Variants in SETD6 observed in about 807,000 individuals in gnomAD.
SETD6 encodes the protein SET domain containing 6, protein lysine methyltransferase.
Under a neutral mutation model 52.7 loss-of-function variants are expected in SETD6, and 67 were observed. That is an observed-to-expected ratio of 1.27 (90% CI 1.04 to 1.56). SETD6 has a LOEUF of 1.56. SETD6 is among the 40% of genes most tolerant of loss of function. The pLI is 0.00. For missense variants in SETD6, 712 were observed against 607.5 expected, an observed-to-expected ratio of 1.17 and a Z score of -1.81; for synonymous variants, 307 against 250.2, an observed-to-expected ratio of 1.23 and a Z score of -2.14.
At chr16:58,517,334 T>G (rs1341833457) in intron 5 of SETD6, 1 of 250,250 alleles carries the variant, frequency 4.0e-6, no homozygotes, top group Non-Finnish European at 8.0e-6. Context: ...AGAACTGATA[T>G]AAAGCTGTGT....
In SETD6 at chr16:58,516,343, G is replaced by C. The variant is rs778896876; in HGVS notation, c.476G>C (p.Trp159Ser). The C allele has an allele frequency of 1.9e-6, 3 of 1,609,840 alleles. No individual in the cohort carries two copies. The Admixed American group carries it at 5.0e-5, about 27-fold the overall frequency. Reference sequence around the variant, plus strand: ...GGCCGCTTGGAGCACCCGATGTTCTGGTGAGAGCCTTGGGAGGGGTTGGGG... The same window carrying C: ...GGCCGCTTGGAGCACCCGATGTTCTCGTGAGAGCCTTGGGAGGGGTTGGGG... Reference protein sequence around the residue: ...ELGRLEHPMFWPEEERRCLLQ... With the variant: ...ELGRLEHPMFSPEEERRCLLQ... Residue 159 changes from tryptophan (W) to serine (S), a missense_variant and splice_region_variant, in exon 3 of 8, where the codon TGG (tryptophan) becomes TCG (serine). By Grantham distance (177) the Trp-to-Ser change is radical. Transcript: ENST00000219315.
At chr16:58,518,019 G>A (rs2151879701) in intron 5 of SETD6, 32 bp from the exon 6 acceptor site, 1 of 1,613,896 alleles carries the variant, frequency 6.2e-7, no homozygotes, top group Non-Finnish European at 8.5e-7. Flanking sequence ...GCCCGTGAAA[G>A]GCATGGCCCC....
In SETD6 at chr16:58,521,464, C is replaced by T; in HGVS notation, c.*2435C>T. ...TAGTAAAGACAGGTGGATTAATATA[C>T]TCCAAATAGCACAGGTTGGAATACC... On this transcript the variant is annotated 3_prime_UTR_variant, in exon 8 of 8. Transcript: ENST00000219315. 1.4e-6 allele frequency: 1 copy of T among 733,732 alleles called. No homozygotes were observed. The highest frequency in any genetic ancestry group is 2.2e-6 in the Non-Finnish European group (1 of 453,650). 45.5% of individuals were successfully genotyped at this position (733,732 alleles called of 1,614,324 possible).
In SETD6 at chr16:58,515,546, C is replaced by A. The variant is rs2039086198; in HGVS notation, c.9C>A (p.Thr3=). The change falls in exon 1 of 8, where the codon ACC becomes ACA. Residue 3 remains threonine, a synonymous_variant. Transcript: ENST00000219315. MA[T]QAKRPRVAGP... ...AAACGCGCTCTTAGACCATGGCGAC[C>A]CAGGCGAAGCGTCCACGGGTGAGTG... 6.3e-7 allele frequency: 1 copy of A among 1,588,674 alleles called. No homozygotes were observed. Among genetic ancestry groups the A allele is most frequent in the African/African-American group, 1.4e-5 (1 of 73,104 alleles).
chr16:58,519,265 T>A lies in SETD6; in HGVS notation c.*236T>A. On this transcript the variant is annotated 3_prime_UTR_variant, in exon 8 of 8. Coordinates refer to ENST00000219315, the MANE Select transcript of SETD6 (RefSeq NM_001160305.4). ...TTACTTAAAGCATGTTACAGATGTTTTGTTCTCAGTTTTAACCAAAGCCAG... is the reference window on the plus strand; with the variant it reads ...TTACTTAAAGCATGTTACAGATGTTATGTTCTCAGTTTTAACCAAAGCCAG... 2.1e-6 allele frequency: 1 copy of A among 477,666 alleles called. No individual in the cohort carries two copies. Among genetic ancestry groups the A allele is most frequent in the Non-Finnish European group, 3.7e-6 (1 of 269,306 alleles). 29.6% of individuals were successfully genotyped at this position (477,666 alleles called of 1,614,324 possible). A position where few individuals can be genotyped will look rare whatever the true frequency, so the allele number is the denominator to read the frequency against.
In SETD6 at chr16:58,521,157, A is replaced by T; in HGVS notation, c.*2128A>T. 1 of 1,613,124 alleles carries T rather than the reference A, an allele frequency of 6.2e-7. No individual in the cohort carries two copies. On this transcript the variant is annotated 3_prime_UTR_variant, in exon 8 of 8. Coordinates refer to ENST00000219315, the MANE Select transcript of SETD6 (RefSeq NM_001160305.4). ...TTTCAGTCTCCAGTCTCATTCCTAG[A>T]CAATTAAAAATTACTTTGAACTCAC...
In SETD6 at chr16:58,516,460, G is replaced by A. The variant is rs751543213; in HGVS notation, c.477-18G>A. On this transcript the variant is annotated intron_variant, in intron 3 of 7. Coordinates refer to ENST00000219315, the MANE Select transcript of SETD6 (RefSeq NM_001160305.4). ...GTGTGAAGGAATGAAGGGAACCTGG[G>A]TGTGGGTGTCCCTGCAGGCCAGAGG... 5.6e-6 allele frequency: 9 copies of A among 1,613,684 alleles called. No individual in the cohort carries two copies. The East Asian group carries it at 1.6e-4, about 28-fold the overall frequency.
Position 58,515,577 on chromosome 16 carries a change from C to T in SETD6, c.27+13C>T, listed in dbSNP as rs569973104. ...GAAGCGTCCACGGGTGAGTGGCGGGCGCGGGGTCCAGCCTTTTCCTCCGCG... is the reference window on the plus strand; with the variant it reads ...GAAGCGTCCACGGGTGAGTGGCGGGTGCGGGGTCCAGCCTTTTCCTCCGCG... On this transcript the variant is annotated intron_variant, in intron 1 of 7. Transcript: ENST00000219315. 1 of 1,561,882 alleles carries T rather than the reference C, an allele frequency of 6.4e-7. No homozygotes were observed. Among genetic ancestry groups the T allele is most frequent in the Admixed American group, 1.9e-5 (1 of 54,012 alleles).
chr16:58,518,232 G>A lies in SETD6; in HGVS notation c.973+1G>A. ...ACAGTTCGTGAGGCAGCATTACAGG[G>A]TGAGTGTATCATTAACTCAATATTT... On this transcript the variant is annotated splice_donor_variant, in intron 6 of 7. Coordinates refer to ENST00000219315, the MANE Select transcript of SETD6 (RefSeq NM_001160305.4). LOFTEE classifies it high-confidence loss of function. 1 of 1,614,180 alleles carries A rather than the reference G, an allele frequency of 6.2e-7. No homozygotes were observed. Among genetic ancestry groups the A allele is most frequent in the Non-Finnish European group, 8.5e-7 (1 of 1,180,038 alleles).
rs369334420 is a variant in SETD6 at position 58,515,520 on chromosome 16, G to A, written c.-18G>A. The A allele has an allele frequency of 7.0e-6, 11 of 1,581,770 alleles. No homozygotes were observed. The African/African-American group carries it at 8.2e-5, about 12-fold the overall frequency. On this transcript the variant is annotated 5_prime_UTR_variant, in exon 1 of 8. Coordinates refer to ENST00000219315, the MANE Select transcript of SETD6 (RefSeq NM_001160305.4). ...ACCGCGCGGTGCGCCGGCCCGCGAG[G>A]AAACGCGCTCTTAGACCATGGCGAC... is the stretch of plus-strand genomic sequence containing the variant.
At position 58,520,601 on chromosome 16, in the gene SETD6, T is replaced by G. The variant is rs2039336989; in HGVS notation, c.*1572T>G. On this transcript the variant is annotated 3_prime_UTR_variant, in exon 8 of 8. Coordinates refer to ENST00000219315, the MANE Select transcript of SETD6 (RefSeq NM_001160305.4). ...ACATGGAGCTATGCCCTCAGACAAG[T>G]GCATGGCATCAGCTGCCTCTTCATT... 1 of 253,226 alleles carries G rather than the reference T, an allele frequency of 3.9e-6. No individual in the cohort carries two copies. Among genetic ancestry groups the G allele is most frequent in the Non-Finnish European group, 7.8e-6 (1 of 128,398 alleles). The allele number at this position is 253,226 out of a possible 1,614,324, so 15.7% of individuals were successfully genotyped here. A position where few individuals can be genotyped will look rare whatever the true frequency, so the allele number is the denominator to read the frequency against.
At chr16:58,516,423 A>T (rs1226433423) in intron 3 of SETD6, 55 bp from the exon 4 acceptor site, 1 of 1,612,870 alleles carries the variant, frequency 6.2e-7, no homozygotes, top group Non-Finnish European at 8.5e-7. Context: ...CACCAGTCCT[A>T]CCCAGTAAAG....
intron 2 of SETD6, 27 bp downstream of exon 2, chr16:58,516,124 T>TGAGGCGGGGC: frequency 2.4e-6 from 1 of 411,204 alleles, no homozygotes; most frequent in South Asian, 6.2e-5. Flanking sequence ...GCTAGGGCCC[T>TGAGGCGGGGC]GGGGCGGGGC....
Position 58,518,852 on chromosome 16 carries a change from G to T in SETD6, c.1245G>T (p.Leu415=), listed in dbSNP as rs768954782. 2.0e-5 allele frequency: 32 copies of T among 1,614,082 alleles called. No individual in the cohort carries two copies. In the Admixed American group the frequency reaches 5.0e-4, roughly 25 times the overall value. The change falls in exon 8 of 8, where the codon CTG becomes CTT. Residue 415 remains leucine, a synonymous_variant. Transcript: ENST00000219315. ...IPKLKASWRQ[L]LQNSVLLTLQ... ...AGCTCAAAGCATCGTGGAGACAGCT[G>T]CTTCAAAACAGTGTTCTACTGACTT...
Position 58,520,967 on chromosome 16 carries a change from A to C in SETD6, c.*1938A>C, listed in dbSNP as rs1597385207. ...AGAGATGCAGTTTCGTCTAACTGGC[A>C]CCTGTCCCTTCCATTACTTGCTGGG... On this transcript the variant is annotated 3_prime_UTR_variant, in exon 8 of 8. Transcript: ENST00000219315. The C allele has an allele frequency of 1.2e-6, 2 of 1,613,728 alleles. No homozygotes were observed. The highest frequency in any genetic ancestry group is 1.7e-6 in the Non-Finnish European group (2 of 1,180,032).
Position 58,523,709 on chromosome 16 carries a change from T to C in SETD6, c.*4680T>C, listed in dbSNP as rs910162363. 3.0e-5 allele frequency: 13 copies of C among 437,250 alleles called. No individual in the cohort carries two copies. Among genetic ancestry groups the C allele is most frequent in the East Asian group, 1.0e-4 (3 of 28,996 alleles). 27.1% of individuals were successfully genotyped at this position (437,250 alleles called of 1,614,324 possible). A position where few individuals can be genotyped will look rare whatever the true frequency, so the allele number is the denominator to read the frequency against. ...CATTAGAAATTAGATTTTAAAAATATTCATTTTTAAAAACAGACCCACTAT... is the reference window on the plus strand; with the variant it reads ...CATTAGAAATTAGATTTTAAAAATACTCATTTTTAAAAACAGACCCACTAT... On this transcript the variant is annotated 3_prime_UTR_variant, in exon 8 of 8. Transcript: ENST00000219315.
At position 58,523,533 on chromosome 16, in the gene SETD6, T is replaced by TA; in HGVS notation, c.*4505dup. ...AATTAAGAAACCTTGACTTAGGACT[T>TA]AGTCTGAAAGGCCAACATGGGAAGA... On this transcript the variant is annotated 3_prime_UTR_variant, in exon 8 of 8. Transcript: ENST00000219315. 1.2e-6 allele frequency: 2 copies of TA among 1,610,096 alleles called. No homozygotes were observed. The highest frequency in any genetic ancestry group is 2.2e-5 in the East Asian group (1 of 44,830).
rs373625240 is a variant in SETD6, at chr16:58,523,743, G to A, written c.*4714G>A. ...AAAAACAGACCCACTATGTGCTAATGTAAGAAACATGAACTATTTTCTGGT... is the reference window on the plus strand; with the variant it reads ...AAAAACAGACCCACTATGTGCTAATATAAGAAACATGAACTATTTTCTGGT... On this transcript the variant is annotated 3_prime_UTR_variant, in exon 8 of 8. Transcript: ENST00000219315. 11 of 337,528 alleles carry A rather than the reference G, an allele frequency of 3.3e-5. No individual in the cohort carries two copies. The highest frequency in any genetic ancestry group is 1.2e-4 in the African/African-American group (6 of 48,280). 20.9% of individuals were successfully genotyped at this position (337,528 alleles called of 1,614,324 possible). A position where few individuals can be genotyped will look rare whatever the true frequency, so the allele number is the denominator to read the frequency against.
In SETD6 at chr16:58,518,468, G is replaced by A. The variant is rs369627378; in HGVS notation, c.1041G>A (p.Met347Ile). The A allele has an allele frequency of 4.4e-6, 7 of 1,588,662 alleles. No individual in the cohort carries two copies. The African/African-American group carries it at 8.2e-5, about 19-fold the overall frequency. Residue 347 changes from methionine (M) to isoleucine (I), a missense_variant, in exon 7 of 8, where the codon ATG becomes ATA. By Grantham distance (10) the Met-to-Ile change is conservative. Transcript: ENST00000219315. ...ERWDFLCKLEMVGEEGAFVIG... is the reference protein window; with the variant it reads ...ERWDFLCKLEIVGEEGAFVIG... Reference sequence around the variant, plus strand: ...GGGATTTCCTATGCAAACTGGAGATGGTAGGGGAAGAGGGAGCCTTTGTGA... The same window carrying A: ...GGGATTTCCTATGCAAACTGGAGATAGTAGGGGAAGAGGGAGCCTTTGTGA...
Sources: gnomAD v4.1 joint callset for allele counts on GRCh38, gnomAD v4.1.1 for gene constraint, MANE v1.5 for transcripts, NCBI Gene and HGNC (gene_info 2026-07-23, HGNC 2026-07-21) for gene names.